Variants in SNRPC observed in about 807,000 individuals in gnomAD.
SNRPC encodes U1 small nuclear ribonucleoprotein C.
SNRPC carries 5 observed loss-of-function variants against 20.0 expected under a neutral mutation model. The ratio of observed to expected loss-of-function variants is 0.25; its 90% CI spans 0.13 to 0.53. The LOEUF (loss-of-function observed/expected upper bound fraction) is 0.53. SNRPC is among the 20% of genes least tolerant of loss of function. The pLI is 0.96. For synonymous variants in SNRPC, 61 were observed against 58.7 expected (o/e 1.04, Z -0.18); for missense variants, 112 against 224.1 (o/e 0.50, Z 3.19).
rs139798034 is a variant in SNRPC at position 34,767,988 on chromosome 6, C to A, written c.241C>A (p.Pro81Thr). The change falls in exon 4 of 6, where the codon CCC becomes ACC. Residue 81 changes from proline (P) to threonine (T), a missense_variant. This residue lies in a region of SNRPC where 45 missense variants were observed against 48.6 expected (regional missense o/e 0.93). Transcript: ENST00000244520. ...PPAGAMIPPP[P>T]SLPGPPRPGM... ...TGCAGGGGCGATGATACCACCTCCC[C>A]CCAGCCTTCGTAAGTTTAAACTTTT... The A allele has an allele frequency of 1.8e-4, 287 of 1,612,136 alleles. 3 individuals are homozygous for A. The highest frequency in any genetic ancestry group is 3.5e-5 in the Non-Finnish European group (41 of 1,179,376).
Position 34,773,632 on chromosome 6 carries a change from C to A in SNRPC, c.*62C>A. ...TACCTGTTCTGCTTCACCAGGAGAT[C>A]ATGCTGCTGTGATACTGAGTTTTCT... On this transcript the variant is annotated 3_prime_UTR_variant, in exon 6 of 6. Coordinates refer to ENST00000244520, the MANE Select transcript of SNRPC (RefSeq NM_003093.3). This position sits in a 1 kb window ranked among gnomAD's most constrained non-coding sequence, Gnocchi z 4.1. The A allele has an allele frequency of 2.0e-6, 3 of 1,481,600 alleles. No individual in the cohort carries two copies. The highest frequency in any genetic ancestry group is 1.2e-5 in the South Asian group (1 of 85,726). 91.8% of individuals were successfully genotyped at this position (1,481,600 alleles called of 1,614,324 possible).
chr6:34,768,769 A>G (rs906134734), intron 4 of SNRPC, among the ~76,000 whole-genome samples: 49 of 151,198 alleles, frequency 3.2e-4, no homozygotes, highest in Non-Finnish European at 5.9e-4. Flanking sequence ...AAAAAAAAAA[A>G]AGAAAAGAAA....
intron 3 of SNRPC, 90 bp downstream of exon 3, chr6:34,762,793 C>A: frequency 1.4e-6 from 1 of 698,972 alleles, no homozygotes; most frequent in Non-Finnish European, 2.6e-6. Flanking sequence ...GCAACTCATT[C>A]TGAATGATAA....
At chr6:34,760,964 C>T (rs1346118132) in intron 2 of SNRPC, among the ~76,000 whole-genome samples, 2 of 151,486 alleles carry the variant, frequency 1.3e-5, no homozygotes, top group Non-Finnish European at 2.9e-5. Flanking sequence ...AGGAGAATCA[C>T]TTGAACCTGG....
chr6:34,767,410 C>T (rs1443387077), intron 3 of SNRPC, among the ~76,000 whole-genome samples: 1 of 152,172 alleles, frequency 6.6e-6, no homozygotes, highest in Non-Finnish European at 1.5e-5. Flanking sequence ...TGCGTGGACT[C>T]AGGAGTTTGA....
chr6:34,757,729 C>A, intron 1 of SNRPC, 178 bp downstream of exon 1: 1 of 1,491,330 alleles, frequency 6.7e-7, no homozygotes, highest in South Asian at 1.2e-5. Flanking sequence ...GCAGATGGAT[C>A]CCGCTTAAGG....
Position 34,762,592 on chromosome 6 carries a change from C to T in SNRPC, c.52-3C>T, listed in dbSNP as rs367787432. ...CGTCTGATATGATCTTTTTATTTTA[C>T]AGCCATCTGTGAGAAAGACACACTG... On this transcript the variant is annotated splice_polypyrimidine_tract_variant and splice_region_variant and intron_variant, in intron 2 of 5. Coordinates refer to ENST00000244520, the MANE Select transcript of SNRPC (RefSeq NM_003093.3). 7.4e-6 allele frequency: 11 copies of T among 1,486,550 alleles called. No individual in the cohort carries two copies. The highest frequency in any genetic ancestry group is 2.3e-5 in the East Asian group (1 of 44,272). 92.1% of individuals were successfully genotyped at this position (1,486,550 alleles called of 1,614,324 possible). A position where few individuals can be genotyped will look rare whatever the true frequency, so the allele number is the denominator to read the frequency against.
intron 2 of SNRPC, among the ~76,000 whole-genome samples, chr6:34,760,369 C>T (rs1285783397): frequency 6.6e-6 from 1 of 151,828 alleles, no homozygotes. Context: ...TCACTGTGTC[C>T]GGCCAAGTTC....
At chr6:34,759,578 G>A (rs956983855) in intron 2 of SNRPC, among the ~76,000 whole-genome samples, 5 of 152,290 alleles carry the variant, frequency 3.3e-5, no homozygotes, top group Admixed American at 3.3e-4. Context: ...CTTCATTAAG[G>A]ACACTCAGTG....
At chr6:34,766,332 C>T (rs1297089261) in intron 3 of SNRPC, among the ~76,000 whole-genome samples, 3 of 151,900 alleles carry the variant, frequency 2.0e-5, no homozygotes, top group Non-Finnish European at 4.4e-5. Flanking sequence ...TCCCAAGTAG[C>T]TGGGACTACA....
At chr6:34,768,753 CAA>C (rs11284276) in intron 4 of SNRPC, among the ~76,000 whole-genome samples, 1,108 of 97,580 alleles carry the variant, frequency 0.011, 15 homozygotes, top group African/African-American at 0.029. Context: ...GACTTTGTCT[CAA>C]AAAAAAAAAA....
At chr6:34,770,800 G>T (rs555325951) in intron 5 of SNRPC, among the ~76,000 whole-genome samples, 1 of 152,238 alleles carries the variant, frequency 6.6e-6, no homozygotes, top group East Asian at 1.9e-4. Flanking sequence ...AAGGGGGAAG[G>T]TTATAGATAC....
chr6:34,773,297 T>G lies in SNRPC; in HGVS notation c.356-149T>G. 1.6e-6 allele frequency: 1 copy of G among 627,434 alleles called. No individual in the cohort carries two copies. The highest frequency in any genetic ancestry group is 2.7e-6 in the Non-Finnish European group (1 of 364,356). The allele number at this position is 627,434 out of a possible 1,614,324, so 38.9% of individuals were successfully genotyped here. ...AAGTAATTTACAGATGTGATAAATT[T>G]GTTGCATTTCTTCTGTCACGTGTGT... On this transcript the variant is annotated intron_variant, in intron 5 of 5. Coordinates refer to ENST00000244520, the MANE Select transcript of SNRPC (RefSeq NM_003093.3). This position sits in a 1 kb window ranked among gnomAD's most constrained non-coding sequence, Gnocchi z 4.1.
intron 4 of SNRPC, among the ~76,000 whole-genome samples, chr6:34,768,855 T>A (rs999059159): frequency 1.9e-4 from 29 of 152,242 alleles, no homozygotes; most frequent in African/African-American, 6.7e-4. Flanking sequence ...GTTTGTTGTT[T>A]CTGTGTGACA....
intron 5 of SNRPC, among the ~76,000 whole-genome samples, chr6:34,772,516 T>C (rs1165654637): frequency 6.6e-6 from 1 of 152,232 alleles, no homozygotes; most frequent in African/African-American, 2.4e-5. Context: ...TTGCATATTC[T>C]TGTGTTTCAC....
chr6:34,761,361 C>T (rs879719636), intron 2 of SNRPC, among the ~76,000 whole-genome samples: 3 of 151,962 alleles, frequency 2.0e-5, no homozygotes, highest in Non-Finnish European at 4.4e-5. Flanking sequence ...TGGTCTTGAA[C>T]TCCTGACATC....
chr6:34,763,238 G>A (rs771106360), intron 3 of SNRPC, among the ~76,000 whole-genome samples: 13 of 152,160 alleles, frequency 8.5e-5, no homozygotes, highest in Admixed American at 2.6e-4. Flanking sequence ...GGAACATTTT[G>A]TTCTGGCTTA....
At chr6:34,769,359 A>G (rs1403191778) in intron 4 of SNRPC, among the ~76,000 whole-genome samples, 1 of 149,872 alleles carries the variant, frequency 6.7e-6, no homozygotes, top group Non-Finnish European at 1.5e-5. Context: ...CTGCCCAGCT[A>G]ATTTTGTATT....
At chr6:34,762,351 C>CT (rs575601848) in intron 2 of SNRPC, among the ~76,000 whole-genome samples, 90 of 150,730 alleles carry the variant, frequency 6.0e-4, no homozygotes, top group Middle Eastern at 6.9e-3. Context: ...TGTTCCAATA[C>CT]TTTTTTTTTA....
Sources: gnomAD v4.1 joint callset for allele counts (sites outside exome capture counted in the v4.1 genomes callset) on GRCh38, gnomAD v4.1.1 for gene constraint, gnomAD v4.1.1 regional missense constraint, Gnocchi (gnomAD v3.1) non-coding constraint, MANE v1.5 for transcripts, NCBI Gene and HGNC (gene_info 2026-07-23, HGNC 2026-07-21) for gene names.